The following ZNF138 variants were observed in gnomAD, a reference collection of about 807,000 sequenced individuals.
The protein encoded by ZNF138 is zinc finger protein 138.
ZNF138 carries 33 observed loss-of-function variants against 33.0 expected under a neutral mutation model. That is an observed-to-expected ratio of 1.00 (90% confidence interval 0.76 to 1.34). ZNF138 has a LOEUF of 1.34. ZNF138 is among the 40% of genes most tolerant of loss of function. The pLI, the probability that ZNF138 is intolerant of heterozygous loss-of-function variation, is 0.00. For missense variants in ZNF138, 360 were observed against 370.8 expected, an observed-to-expected ratio of 0.97 and a Z score of 0.24; for synonymous variants, 139 against 120.4, an observed-to-expected ratio of 1.15 and a Z score of -1.01.
At chr7:64,849,412 G>A in the ZNF138 span, among the ~76,000 whole-genome samples, 14 of 152,300 alleles carry the variant, frequency 9.2e-5, no homozygotes, top group African/African-American at 2.6e-4. Context: ...TTTTGTACTC[G>A]TTGGCTACTT....
intron 1 of ZNF138, among the ~76,000 whole-genome samples, chr7:64,808,371 A>C (rs997024824): frequency 2.0e-5 from 3 of 152,208 alleles, no homozygotes; most frequent in Non-Finnish European, 4.4e-5. Context: ...TTAGAAAAAT[A>C]GATGAAGCAG....
At chr7:64,822,658 C>G (rs1251935750) in intron 3 of ZNF138, among the ~76,000 whole-genome samples, 2 of 147,272 alleles carry the variant, frequency 1.4e-5, no homozygotes, top group Non-Finnish European at 2.9e-5. Flanking sequence ...ATTTTTGTGT[C>G]AATACCACAT....
chr7:64,829,418 A>G (rs1393239475), intron 3 of ZNF138, among the ~76,000 whole-genome samples: 1 of 151,018 alleles, frequency 6.6e-6, no homozygotes, highest in Non-Finnish European at 1.5e-5. Flanking sequence ...ACACACACAC[A>G]TATGTAGAAA....
chr7:64,801,515 G>C lies in ZNF138; in HGVS notation c.3+6944G>C, dbSNP rs984045770. Among the ~76,000 whole-genome samples the C allele has an allele frequency of 4.7e-4, 72 of 152,170 alleles. 1 individual carries two copies. The highest frequency in any genetic ancestry group is 1.7e-3 in the African/African-American group (69 of 41,506). ...TGAATTATATTTTAATCAATCTGTG[G>C]TCTGAGTATGTGGTTGGTATAATTT... is the stretch of plus-strand genomic sequence containing the variant. On this transcript the variant is annotated intron_variant, in intron 1 of 3. Coordinates refer to ENST00000307355, the MANE Select transcript of ZNF138 (RefSeq NM_001271639.2).
At chr7:64,811,352 T>G (rs1431100676) in intron 1 of ZNF138, among the ~76,000 whole-genome samples, 1 of 152,250 alleles carries the variant, frequency 6.6e-6, no homozygotes, top group African/African-American at 2.4e-5. Flanking sequence ...ATTTTTCTTT[T>G]CTTTTTTCTT....
downstream of ZNF138, among the ~76,000 whole-genome samples, chr7:64,837,781 G>A (rs561985804): frequency 1.1e-4 from 16 of 152,304 alleles, no homozygotes; most frequent in African/African-American, 3.6e-4. Flanking sequence ...TCTGTTCGAT[G>A]AGGGTTGAAG....
At chr7:64,838,900 G>A in the ZNF138 span, among the ~76,000 whole-genome samples, 12 of 152,032 alleles carry the variant, frequency 7.9e-5, no homozygotes, top group East Asian at 1.9e-4. Context: ...AGATGGCGGC[G>A]GTGAGGAAGC....
At chr7:64,839,400 G>A in the ZNF138 span, among the ~76,000 whole-genome samples, 15 of 152,280 alleles carry the variant, frequency 9.9e-5, no homozygotes, top group African/African-American at 3.6e-4. Context: ...TCCTTCTGGG[G>A]TCACTCAGAC....
chr7:64,810,329 C>T (rs62456822), intron 1 of ZNF138, among the ~76,000 whole-genome samples: 89,106 of 141,626 alleles, frequency 0.63, 28,648 homozygotes, highest in African/African-American at 0.73. Flanking sequence ...AGCCTGCAAT[C>T]GCAGGCACTC....
At chr7:64,808,671 T>C (rs1424600127) in intron 1 of ZNF138, among the ~76,000 whole-genome samples, 4 of 149,668 alleles carry the variant, frequency 2.7e-5, no homozygotes, top group Non-Finnish European at 1.5e-5. Context: ...AGGACAATAG[T>C]GGAGGGAAGG....
At chr7:64,820,280 T>C (rs1402410069) in intron 3 of ZNF138, among the ~76,000 whole-genome samples, 1 of 151,588 alleles carries the variant, frequency 6.6e-6, no homozygotes, top group Non-Finnish European at 1.5e-5. Context: ...ACCTTATAAG[T>C]GGAATCATCC....
intron 1 of ZNF138, among the ~76,000 whole-genome samples, chr7:64,800,798 G>T (rs1217810960): frequency 1.3e-5 from 2 of 152,014 alleles, no homozygotes; most frequent in African/African-American, 4.8e-5. Context: ...ATTTAGCTGT[G>T]GATGTCTCTG....
At chr7:64,814,116 T>C (rs1450781508) in intron 1 of ZNF138, 2 of 1,224,620 alleles carry the variant, frequency 1.6e-6, no homozygotes, top group Non-Finnish European at 2.1e-6. Context: ...TAACAAGATA[T>C]TCTTCTTGAG....
At position 64,831,959 on chromosome 7, in the gene ZNF138, T is replaced by C. The variant is rs376621220; in HGVS notation, c.717T>C (p.Thr239=). The C allele has an allele frequency of 2.7e-5, 43 of 1,613,180 alleles. No individual in the cohort carries two copies. The highest frequency in any genetic ancestry group is 3.3e-4 in the Middle Eastern group (2 of 6,064). Residue 239 remains threonine (T), a synonymous_variant, in exon 4 of 4, where the codon ACT becomes ACC. Transcript: ENST00000307355. ...GKAFHQSSIL[T]KHKIIRTGEK... ...CCTTTCACCAATCCTCAATCCTTAC[T>C]AAACATAAGATAATTCGTACTGGAG...
intron 1 of ZNF138, among the ~76,000 whole-genome samples, chr7:64,813,433 ATG>A (rs776980932): frequency 7.5e-4 from 32 of 42,810 alleles, no homozygotes; most frequent in South Asian, 7.3e-3. Context: ...TTGCATAAAA[ATG>A]ATTTTTTTTT....
chr7:64,810,770 G>A (rs919752659), intron 1 of ZNF138, among the ~76,000 whole-genome samples: 1 of 152,104 alleles, frequency 6.6e-6, no homozygotes, highest in Non-Finnish European at 1.5e-5. Flanking sequence ...CCTTATTTAG[G>A]TCTGGCCCCA....
intron 3 of ZNF138, among the ~76,000 whole-genome samples, chr7:64,819,523 A>G (rs1169284279): frequency 2.0e-5 from 3 of 151,786 alleles, no homozygotes; most frequent in East Asian, 1.9e-4. Context: ...GGCCGCCACC[A>G]TGCCTGGATA....
At chr7:64,838,921 A>G in the ZNF138 span, among the ~76,000 whole-genome samples, 1 of 152,094 alleles carries the variant, frequency 6.6e-6, no homozygotes, top group Admixed American at 6.6e-5. Context: ...AGGTAGTAAG[A>G]TGGCAGTGGT....
chr7:64,852,051 T>C, the ZNF138 span, among the ~76,000 whole-genome samples: 25 of 152,352 alleles, frequency 1.6e-4, no homozygotes, highest in African/African-American at 6.0e-4. Context: ...AACTGCTCTT[T>C]GACATGACTA....
Sources: gnomAD v4.1 joint callset for allele counts (sites outside exome capture counted in the v4.1 genomes callset) on GRCh38, gnomAD v4.1.1 for gene constraint, MANE v1.5 for transcripts, NCBI Gene and HGNC (gene_info 2026-07-23, HGNC 2026-07-21) for gene names.